The following JCAD variants were observed in gnomAD, a reference collection of about 807,000 sequenced individuals.
The protein encoded by JCAD is junctional cadherin 5 associated.
Under a neutral mutation model 98.0 loss-of-function variants are expected in JCAD, and 40 were observed. That is an observed-to-expected ratio of 0.41 (90% CI 0.32 to 0.53). The LOEUF (loss-of-function observed/expected upper bound fraction) is 0.53, where lower values mean the gene tolerates loss of function less well. JCAD is among the 20% of genes least tolerant of loss of function. JCAD has a pLI of 0.31. For synonymous variants in JCAD, 691 were observed against 682.3 expected, an observed-to-expected ratio of 1.01 and a Z score of -0.20; for missense variants, 1,705 against 1,738.1, an observed-to-expected ratio of 0.98 and a Z score of 0.34.
intron 2 of JCAD, among the ~76,000 whole-genome samples, 178 bp downstream of exon 2, chr10:30,047,354 G>C (rs924895863): frequency 2.6e-5 from 4 of 152,226 alleles, no homozygotes; most frequent in Admixed American, 2.0e-4. Context: ...GGACGACAGA[G>C]CAAGACTCCG....
intron 1 of JCAD, among the ~76,000 whole-genome samples, chr10:30,102,566 A>C (rs926650100): frequency 1.3e-5 from 2 of 152,196 alleles, no homozygotes; most frequent in African/African-American, 4.8e-5. Flanking sequence ...TGCAAAACTG[A>C]ACATTTATAC....
At chr10:30,057,527 A>G (rs1837597972) in intron 1 of JCAD, among the ~76,000 whole-genome samples, 1 of 152,158 alleles carries the variant, frequency 6.6e-6, no homozygotes, top group African/African-American at 2.4e-5. Context: ...GACTTTGTCA[A>G]GTCATCCAGA....
chr10:30,112,393 C>G (rs924448317), intron 1 of JCAD, among the ~76,000 whole-genome samples: 1 of 152,002 alleles, frequency 6.6e-6, no homozygotes, highest in African/African-American at 2.4e-5. Flanking sequence ...ACAGGAAGAT[C>G]GATTGAGCCT....
intron 1 of JCAD, among the ~76,000 whole-genome samples, chr10:30,080,033 C>G (rs1001377933): frequency 6.6e-6 from 1 of 152,110 alleles, no homozygotes; most frequent in Non-Finnish European, 1.5e-5. Flanking sequence ...AGATAATTTC[C>G]TTACTGAGCT....
intron 1 of JCAD, among the ~76,000 whole-genome samples, chr10:30,072,960 G>T (rs187794792): frequency 6.6e-6 from 1 of 152,170 alleles, no homozygotes; most frequent in Non-Finnish European, 1.5e-5. Flanking sequence ...ATTCTAATGT[G>T]CACCAAAGTT....
At chr10:30,050,755 T>C (rs185199827) in intron 1 of JCAD, among the ~76,000 whole-genome samples, 23 of 152,244 alleles carry the variant, frequency 1.5e-4, no homozygotes, top group Non-Finnish European at 2.8e-4. Context: ...AACTGATTCT[T>C]CCCTCCCCAC....
chr10:30,035,641 A>G (rs921794891), intron 2 of JCAD, among the ~76,000 whole-genome samples: 1 of 152,258 alleles, frequency 6.6e-6, no homozygotes, highest in Admixed American at 6.5e-5. Flanking sequence ...ATATTTTCTG[A>G]TATGTTTAAG....
Position 30,028,654 on chromosome 10 carries a change from C to T in JCAD, c.1494G>A (p.Arg498=), listed in dbSNP as rs781144577. 8.7e-6 allele frequency: 14 copies of T among 1,605,980 alleles called. No homozygotes were observed. Among genetic ancestry groups the T allele is most frequent in the Non-Finnish European group, 1.2e-5 (14 of 1,176,108 alleles). Residue 498 remains arginine (R), a synonymous_variant, in exon 3 of 4, where the codon CGG becomes CGA. Coordinates refer to ENST00000375377, the MANE Select transcript of JCAD (RefSeq NM_020848.4). The part of the protein sequence containing the change: ...RGLVLADSSP[R]WLWGQPPGDG... ...CCCCGGGGGGCTGGCCCCACAGCCA[C>T]CGGGGGCTGGAATCGGCCAAGACCA...
Position 30,026,267 on chromosome 10 carries a change from C to G in JCAD, c.3881G>C (p.Gly1294Ala). The G allele has an allele frequency of 6.2e-7, 1 of 1,613,922 alleles. No homozygotes were observed. Among genetic ancestry groups the G allele is most frequent in the Non-Finnish European group, 8.5e-7 (1 of 1,180,048 alleles). ...AAGGCCTCCCGGGAGCCCGGCCTGG[C>G]CCCTTGTGGTGGCCTTCAATTCCTC... ...DAEELKATTR[G>A]QAGLPGGLVS... Residue 1294 changes from glycine to alanine, a missense_variant, in exon 3 of 4, where the codon GGC becomes GCC. Gly to Ala is a moderately conservative substitution (Grantham distance 60). Coordinates refer to ENST00000375377, the MANE Select transcript of JCAD (RefSeq NM_020848.4).
chr10:30,103,275 G>A (rs1838501326), intron 1 of JCAD, among the ~76,000 whole-genome samples: 1 of 152,122 alleles, frequency 6.6e-6, no homozygotes, highest in Non-Finnish European at 1.5e-5. Flanking sequence ...TGGGAGTAAA[G>A]CTATCACTTC....
chr10:30,076,598 G>C (rs1246598047), intron 1 of JCAD, among the ~76,000 whole-genome samples: 1 of 152,098 alleles, frequency 6.6e-6, no homozygotes, highest in Non-Finnish European at 1.5e-5. Context: ...TTTCAGAAAG[G>C]GGCGGTGTCC....
At chr10:30,064,459 T>C (rs1837751211), upstream of JCAD, among the ~76,000 whole-genome samples, 1 of 152,198 alleles carries the variant, frequency 6.6e-6, no homozygotes. Context: ...CTGCGGGTAT[T>C]CTGTTATAAG....
chr10:30,041,294 G>A (rs1216202426), intron 2 of JCAD, among the ~76,000 whole-genome samples: 2 of 152,150 alleles, frequency 1.3e-5, no homozygotes, highest in African/African-American at 4.8e-5. Context: ...TCAAGAAAGA[G>A]AGGCTTTGCC....
chr10:30,107,917 T>C (rs1185857026), intron 1 of JCAD, among the ~76,000 whole-genome samples: 1 of 152,096 alleles, frequency 6.6e-6, no homozygotes, highest in East Asian at 1.9e-4. Context: ...ATGGCCATAG[T>C]GTCTAATAAA....
chr10:30,086,402 A>G (rs1006429658), intron 1 of JCAD, among the ~76,000 whole-genome samples: 7 of 152,224 alleles, frequency 4.6e-5, no homozygotes, highest in East Asian at 1.9e-4. Context: ...GCATTAGACA[A>G]TCCAGTTGAG....
At chr10:30,063,215 C>T (rs958942348), upstream of JCAD, among the ~76,000 whole-genome samples, 2 of 151,466 alleles carry the variant, frequency 1.3e-5, no homozygotes, top group South Asian at 2.1e-4. Flanking sequence ...CAGCATTTAA[C>T]ATGAAGCTGT....
intron 1 of JCAD, among the ~76,000 whole-genome samples, chr10:30,092,098 T>TTAAATATATATA (rs11268260): frequency 0.12 from 5,434 of 44,308 alleles, 674 homozygotes; most frequent in Non-Finnish European, 0.15. Context: ...TAAAGTTACT[T>TTAAATATATATA]TATATATATA....
chr10:30,044,680 T>TTG (rs1589691203), intron 2 of JCAD: 1 of 311,252 alleles, frequency 3.2e-6, no homozygotes, highest in East Asian at 1.7e-4. Flanking sequence ...GTATTGGCTT[T>TTG]TTTTTTTTTT....
At chr10:30,084,946 CTGGAAATAA>C (rs1216108043) in intron 1 of JCAD, among the ~76,000 whole-genome samples, 3 of 152,126 alleles carry the variant, frequency 2.0e-5, no homozygotes, top group Non-Finnish European at 4.4e-5. Flanking sequence ...TATTTGCACT[CTGGAAATAA>C]TCGTAGTCAC....
Sources: gnomAD v4.1 joint callset for allele counts (sites outside exome capture counted in the v4.1 genomes callset) on GRCh38, gnomAD v4.1.1 for gene constraint, MANE v1.5 for transcripts, NCBI Gene and HGNC (gene_info 2026-07-23, HGNC 2026-07-21) for gene names.